LRMDA: variants seen among roughly 807,000 people sequenced by gnomAD.
LRMDA encodes leucine-rich melanocyte differentiation-associated protein.
LRMDA carries 18 observed loss-of-function variants against 29.8 expected under a neutral mutation model. The ratio of observed to expected loss-of-function variants is 0.60; its 90% CI spans 0.42 to 0.90. The LOEUF (loss-of-function observed/expected upper bound fraction) is 0.90, where lower values mean the gene tolerates loss of function less well. Among genes scored for constraint, LRMDA ranks in the 40% least tolerant of loss-of-function variants. LRMDA has a pLI of 0.00. For synonymous variants in LRMDA, 125 were observed against 109.4 expected (o/e 1.14, Z -0.89); for missense variants, 273 against 273.9 (o/e 1.00, Z 0.02).
intron 2 of LRMDA, among the ~76,000 whole-genome samples, chr10:75,639,148 G>A (rs764295551): frequency 2.6e-5 from 4 of 152,154 alleles, no homozygotes; most frequent in African/African-American, 4.8e-5. Flanking sequence ...ACCATTTTGC[G>A]TTCCCCACCT....
chr10:76,063,731 A>G (rs1359895187), intron 5 of LRMDA, among the ~76,000 whole-genome samples: 1 of 152,142 alleles, frequency 6.6e-6, no homozygotes, highest in African/African-American at 2.4e-5. Flanking sequence ...CCTGAGAATC[A>G]CCTGCTCCCA....
intron 2 of LRMDA, among the ~76,000 whole-genome samples, chr10:75,807,884 A>G (rs1843884908): frequency 6.6e-6 from 1 of 152,206 alleles, no homozygotes; most frequent in African/African-American, 2.4e-5. Context: ...TGAGCAATGG[A>G]CATATTTCTG....
At chr10:76,196,078 T>C (rs1044150081) in intron 5 of LRMDA, among the ~76,000 whole-genome samples, 16 of 152,238 alleles carry the variant, frequency 1.1e-4, no homozygotes, top group African/African-American at 3.4e-4. Context: ...CTTTTCATTG[T>C]TGGCCCGAGG....
chr10:76,553,642 T>G (rs1159120851), intron 6 of LRMDA, among the ~76,000 whole-genome samples: 1 of 152,246 alleles, frequency 6.6e-6, no homozygotes, highest in African/African-American at 2.4e-5. Flanking sequence ...CTGTGCTGTT[T>G]CGTGCATGTT....
chr10:76,109,898 C>T (rs533587587), intron 5 of LRMDA, among the ~76,000 whole-genome samples: 108 of 152,298 alleles, frequency 7.1e-4, no homozygotes, highest in African/African-American at 2.5e-3. Context: ...TGTACAGGCT[C>T]ATCTACATTT....
chr10:75,841,360 T>C (rs958968522), intron 2 of LRMDA, among the ~76,000 whole-genome samples: 1 of 152,198 alleles, frequency 6.6e-6, no homozygotes, highest in African/African-American at 2.4e-5. Flanking sequence ...ATGCTATGTT[T>C]TGTCTGTGTG....
chr10:76,546,240 G>C (rs182371901), intron 6 of LRMDA, among the ~76,000 whole-genome samples: 1 of 152,246 alleles, frequency 6.6e-6, no homozygotes, highest in East Asian at 1.9e-4. Flanking sequence ...TATTGTTTTC[G>C]ATTTTTTGGA....
intron 2 of LRMDA, among the ~76,000 whole-genome samples, chr10:75,533,468 G>T (rs1020089079): frequency 1.3e-5 from 2 of 152,176 alleles, no homozygotes; most frequent in African/African-American, 4.8e-5. Flanking sequence ...TGGAAATTTT[G>T]AGTTATTTAT....
intron 2 of LRMDA, among the ~76,000 whole-genome samples, chr10:75,531,848 A>G (rs985399763): frequency 2.6e-5 from 4 of 151,938 alleles, no homozygotes; most frequent in African/African-American, 9.7e-5. Context: ...CTGAGGCAGA[A>G]GAGTCACTTG....
chr10:75,614,479 A>G (rs1841074652), intron 2 of LRMDA, among the ~76,000 whole-genome samples: 1 of 152,066 alleles, frequency 6.6e-6, no homozygotes, highest in Non-Finnish European at 1.5e-5. Context: ...TTTTCATGCC[A>G]CAGACTAGGG....
At chr10:76,460,377 G>A (rs894123904) in intron 6 of LRMDA, among the ~76,000 whole-genome samples, 6 of 152,228 alleles carry the variant, frequency 3.9e-5, no homozygotes, top group African/African-American at 1.4e-4. Flanking sequence ...TATTGCTAAT[G>A]CTGCTAGTCC....
chr10:75,560,590 G>A (rs1460342094), intron 2 of LRMDA, among the ~76,000 whole-genome samples: 2 of 151,684 alleles, frequency 1.3e-5, no homozygotes, highest in African/African-American at 2.4e-5. Context: ...AGTGGTGAGA[G>A]AGGGCATCCT....
chr10:75,638,463 C>A (rs1564528122), intron 2 of LRMDA, among the ~76,000 whole-genome samples: 1 of 152,210 alleles, frequency 6.6e-6, no homozygotes, highest in Non-Finnish European at 1.5e-5. Context: ...GGATGTGACA[C>A]TGTGTAATGA....
chr10:75,861,143 T>C (rs771526873), intron 2 of LRMDA, among the ~76,000 whole-genome samples: 5 of 152,256 alleles, frequency 3.3e-5, no homozygotes, highest in Non-Finnish European at 5.9e-5. Context: ...TCAAATGGGA[T>C]GTGCTTTGAT....
intron 2 of LRMDA, among the ~76,000 whole-genome samples, chr10:75,974,355 G>A (rs1217354073): frequency 2.0e-5 from 3 of 152,158 alleles, no homozygotes; most frequent in African/African-American, 4.8e-5. Context: ...AAATATCATT[G>A]TTAGTCATTT....
At chr10:75,998,305 G>A (rs1438092606) in intron 2 of LRMDA, among the ~76,000 whole-genome samples, 1 of 152,022 alleles carries the variant, frequency 6.6e-6, no homozygotes, top group Non-Finnish European at 1.5e-5. Context: ...TTTGCTCCTT[G>A]TCTGCTTTGA....
chr10:75,476,767 G>C (rs1008995033), intron 2 of LRMDA, among the ~76,000 whole-genome samples: 1 of 152,182 alleles, frequency 6.6e-6, no homozygotes, highest in Non-Finnish European at 1.5e-5. Flanking sequence ...TTCTAGGGCT[G>C]CTGTAACAAA....
At chr10:75,811,958 C>T (rs1843968914) in intron 2 of LRMDA, among the ~76,000 whole-genome samples, 1 of 152,126 alleles carries the variant, frequency 6.6e-6, no homozygotes, top group Non-Finnish European at 1.5e-5. Context: ...TTCTTTTAGG[C>T]TGCTTTGTGC....
At chr10:75,678,407 A>G (rs1841986462) in intron 2 of LRMDA, among the ~76,000 whole-genome samples, 1 of 152,202 alleles carries the variant, frequency 6.6e-6, no homozygotes, top group Non-Finnish European at 1.5e-5. Flanking sequence ...GAGAAGTTTA[A>G]TAAAGACTTC....
Sources: gnomAD v4.1 joint callset for allele counts (sites outside exome capture counted in the v4.1 genomes callset) on GRCh38, gnomAD v4.1.1 for gene constraint, MANE v1.5 for transcripts, NCBI Gene and HGNC (gene_info 2026-07-23, HGNC 2026-07-21) for gene names.